Variants in SPIN1 observed in about 807,000 individuals in gnomAD.
SPIN1 encodes the protein spindlin-1.
Under a neutral mutation model 26.0 loss-of-function variants are expected in SPIN1, and 3 were observed. The ratio of observed to expected loss-of-function variants is 0.12; its 90% CI spans 0.05 to 0.30. SPIN1 has a LOEUF of 0.30. Ranked by LOEUF, SPIN1 falls within the 10% of genes least tolerant of loss-of-function variation. The pLI, the probability that SPIN1 is intolerant of heterozygous loss-of-function variation, is 1.00. For missense variants in SPIN1, 126 were observed against 333.4 expected (o/e 0.38, Z 4.84); for synonymous variants, 101 against 116.5 (o/e 0.87, Z 0.86).
rs559431176 is a variant in SPIN1 at position 88,406,193 on chromosome 9, C to G, written c.-159+17655C>G. Reference sequence around the variant, plus strand: ...GCTCTATTATAATATTATGGGACTACCATTGTATATGTGATCCATTATTGA... The same window carrying G: ...GCTCTATTATAATATTATGGGACTAGCATTGTATATGTGATCCATTATTGA... On this transcript the variant is annotated intron_variant, in intron 1 of 5. Transcript: ENST00000375859. Among the ~76,000 whole-genome samples the G allele has an allele frequency of 5.3e-5, 8 of 151,652 alleles. 1 individual carries two copies. The East Asian group carries it at 1.4e-3, about 26-fold the overall frequency.
chr9:88,430,427 A>G (rs1435258168), intron 2 of SPIN1, among the ~76,000 whole-genome samples: 1 of 152,194 alleles, frequency 6.6e-6, no homozygotes, highest in Non-Finnish European at 1.5e-5. Context: ...CATTCTATTC[A>G]TTGAGGCAGT....
intron 1 of SPIN1, among the ~76,000 whole-genome samples, chr9:88,395,553 G>A (rs1482670943): frequency 6.6e-6 from 1 of 152,026 alleles, no homozygotes. Flanking sequence ...ATAGATGTGG[G>A]GTGAAAGGTA....
chr9:88,445,267 A>C (rs1194434354), intron 2 of SPIN1, among the ~76,000 whole-genome samples: 1 of 152,034 alleles, frequency 6.6e-6, no homozygotes, highest in Non-Finnish European at 1.5e-5. Context: ...GACATGCTCC[A>C]GGAATGCTTC....
chr9:88,408,376 C>CTTTTT (rs1177261349), intron 1 of SPIN1, among the ~76,000 whole-genome samples: 3 of 115,438 alleles, frequency 2.6e-5, no homozygotes, highest in East Asian at 2.4e-4. Flanking sequence ...TCCTTTTTTT[C>CTTTTT]TTTTTTTTTT....
At chr9:88,456,275 A>G (rs1411464916) in intron 3 of SPIN1, among the ~76,000 whole-genome samples, 1 of 152,146 alleles carries the variant, frequency 6.6e-6, no homozygotes, top group Non-Finnish European at 1.5e-5. Flanking sequence ...TCAAAATTCT[A>G]AGTTTTTGTT....
At chr9:88,442,642 C>T (rs1191333650) in intron 2 of SPIN1, among the ~76,000 whole-genome samples, 1 of 151,996 alleles carries the variant, frequency 6.6e-6, no homozygotes, top group Non-Finnish European at 1.5e-5. Context: ...ACCTCGGCCT[C>T]CCAAAGTGCT....
chr9:88,420,778 G>A lies in SPIN1; in HGVS notation c.-158-5604G>A, dbSNP rs1587787333. Among the ~76,000 whole-genome samples, 3 of 152,242 alleles carry A rather than the reference G, an allele frequency of 2.0e-5. No individual in the cohort carries two copies. In the East Asian group the frequency reaches 5.8e-4, roughly 29 times the overall value. ...TTTACAAAACAGTGTAGGTAAAGAG[G>A]CTAATTCATTATCAGAGGACTAAAG... On this transcript the variant is annotated intron_variant, in intron 1 of 5. Coordinates refer to ENST00000375859, the MANE Select transcript of SPIN1 (RefSeq NM_006717.3).
intron 1 of SPIN1, chr9:88,391,778 G>C (rs1826925283): frequency 6.6e-6 from 1 of 152,326 alleles, no homozygotes; most frequent in African/African-American, 2.4e-5. Flanking sequence ...TCTTCACTGA[G>C]CATTTGTGAA....
rs115037628 is a variant in SPIN1, at chr9:88,439,899, A to G, written c.53-9042A>G. ...TTAAAGTGGATTTCTTGTATCTAGC[A>G]TGAAGTTGCATGTTGTTTTTGATCC... On this transcript the variant is annotated intron_variant, in intron 2 of 5. Coordinates refer to ENST00000375859, the MANE Select transcript of SPIN1 (RefSeq NM_006717.3). Among the ~76,000 whole-genome samples the G allele has an allele frequency of 7.3e-3, 1,116 of 152,274 alleles. 12 individuals are homozygous for G. Among genetic ancestry groups the G allele is most frequent in the African/African-American group, 0.025 (1,045 of 41,552 alleles).
Position 88,456,935 on chromosome 9 carries a change from A to G in SPIN1, c.102-5561A>G, listed in dbSNP as rs879800122. Among the ~76,000 whole-genome samples, 46 of 152,186 alleles carry G rather than the reference A, an allele frequency of 3.0e-4. 1 individual carries two copies. The highest frequency in any genetic ancestry group is 2.8e-3 in the Admixed American group (42 of 15,272). On this transcript the variant is annotated intron_variant, in intron 3 of 5. Transcript: ENST00000375859. ...TCATTAAAAAGAAAAACCATTCGAG[A>G]TAAGACAAAGACATTAAAAATATTA...
rs1485818737 is a variant in SPIN1, at chr9:88,457,992, G to A, written c.102-4504G>A. The A allele has an allele frequency of 8.1e-6, 8 of 984,980 alleles. No individual in the cohort carries two copies. The African/African-American group carries it at 1.0e-4, about 13-fold the overall frequency. 61.0% of individuals were successfully genotyped at this position (984,980 alleles called of 1,614,324 possible). ...AGGTTTTAAGTTTTTCTTTTACTAA[G>A]GATTTTTTCTTGTTTGGTTTTAGTG... is the stretch of plus-strand genomic sequence containing the variant. On this transcript the variant is annotated intron_variant, in intron 3 of 5. Coordinates refer to ENST00000375859, the MANE Select transcript of SPIN1 (RefSeq NM_006717.3).
intron 1 of SPIN1, among the ~76,000 whole-genome samples, chr9:88,415,138 T>G (rs1466026885): frequency 2.6e-5 from 4 of 152,058 alleles, no homozygotes; most frequent in African/African-American, 7.2e-5. Flanking sequence ...TCTCCTGACC[T>G]TGTGATCCGC....
At chr9:88,392,805 T>TATTGATGA (rs763730410) in intron 1 of SPIN1, among the ~76,000 whole-genome samples, 1 of 152,074 alleles carries the variant, frequency 6.6e-6, no homozygotes, top group Non-Finnish European at 1.5e-5. Flanking sequence ...GCCCAGTTGA[T>TATTGATGA]ATTGATGATG....
At chr9:88,464,620 G>A (rs1828625536) in intron 4 of SPIN1, among the ~76,000 whole-genome samples, 1 of 152,180 alleles carries the variant, frequency 6.6e-6, no homozygotes, top group Non-Finnish European at 1.5e-5. Flanking sequence ...ACACAGTGGA[G>A]TTTCCCACTA....
intron 1 of SPIN1, among the ~76,000 whole-genome samples, chr9:88,402,049 G>A (rs751917064): frequency 1.3e-5 from 2 of 152,058 alleles, no homozygotes; most frequent in Non-Finnish European, 2.9e-5. Flanking sequence ...GGAGTGCGGC[G>A]GTGCGATCTT....
intron 2 of SPIN1, among the ~76,000 whole-genome samples, chr9:88,436,608 C>G (rs1202282893): frequency 1.3e-5 from 2 of 152,154 alleles, no homozygotes; most frequent in Non-Finnish European, 1.5e-5. Flanking sequence ...TCACCCTTAA[C>G]CCCTGGCAAG....
At chr9:88,472,735 C>T (rs1169245555) in intron 5 of SPIN1, among the ~76,000 whole-genome samples, 2 of 152,252 alleles carry the variant, frequency 1.3e-5, no homozygotes, top group African/African-American at 4.8e-5. Flanking sequence ...TTGTGTCTCT[C>T]ACCTTGGCCT....
At chr9:88,391,197 C>G (rs1826913523) in intron 1 of SPIN1, among the ~76,000 whole-genome samples, 1 of 152,192 alleles carries the variant, frequency 6.6e-6, no homozygotes, top group South Asian at 2.1e-4. Flanking sequence ...CTACATAGAT[C>G]TCTGATAAAT....
chr9:88,473,643 T>TTGTG (rs113216961), intron 5 of SPIN1, among the ~76,000 whole-genome samples: 2,014 of 119,336 alleles, frequency 0.017, 31 homozygotes, highest in African/African-American at 0.049. Context: ...TTCTCCAAAC[T>TTGTG]TGTGTGTGTG....
Sources: allele counts gnomAD v4.1 joint callset (sites outside exome capture counted in the v4.1 genomes callset), GRCh38; gene constraint gnomAD v4.1.1; transcripts MANE v1.5; gene names NCBI Gene and HGNC (gene_info 2026-07-23, HGNC 2026-07-21).